The following SPINK6 variants were observed in gnomAD, a reference collection of about 807,000 sequenced individuals.
SPINK6 encodes the protein serine protease inhibitor Kazal-type 6.
Under a neutral mutation model 11.7 loss-of-function variants are expected in SPINK6, and 13 were observed. The observed-to-expected ratio is 1.11, with a 90% CI of 0.72 to 1.76. SPINK6 has a LOEUF of 1.76. Among genes scored for constraint, SPINK6 ranks in the 40% most tolerant of loss-of-function variants. SPINK6 has a pLI of 0.00. For synonymous variants in SPINK6, 21 were observed against 31.9 expected (o/e 0.66, Z 1.15); for missense variants, 98 against 93.7 (o/e 1.05, Z -0.19).
rs1489201046 is a variant in SPINK6 at position 148,209,997 on chromosome 5, C to CGTACATAT, written c.82-3910_82-3909insCATATGTA. Among the ~76,000 whole-genome samples the CGTACATAT allele has an allele frequency of 2.1e-5, 3 of 145,892 alleles. 1 individual carries two copies. Among genetic ancestry groups the CGTACATAT allele is most frequent in the South Asian group, 4.4e-4 (2 of 4,552 alleles). The stretch of plus-strand genomic sequence containing the variant: ...GTACGTATGTATGTATACATATACA[C>CGTACATAT]GTATGTATACATGTATGTACGCATG... On this transcript the variant is annotated intron_variant, in intron 2 of 3. Coordinates refer to ENST00000325630, the MANE Select transcript of SPINK6 (RefSeq NM_205841.4).
At chr5:148,214,708 T>C (rs965840158) in intron 3 of SPINK6, among the ~76,000 whole-genome samples, 197 bp from the exon 4 acceptor site, 1 of 152,184 alleles carries the variant, frequency 6.6e-6, no homozygotes, top group Non-Finnish European at 1.5e-5. Context: ...CTGAAATTTG[T>C]TTAAGATTCA....
chr5:148,206,045 G>A lies in SPINK6; in HGVS notation c.68G>A (p.Ser23Asn). 6.2e-7 allele frequency: 1 copy of A among 1,614,060 alleles called. No homozygotes were observed. The highest frequency in any genetic ancestry group is 8.5e-7 in the Non-Finnish European group (1 of 1,179,974). Residue 23 changes from serine (S) to asparagine (N), a missense_variant, in exon 2 of 4, where the codon AGT (serine) becomes AAT (asparagine). By Grantham distance (46) the Ser-to-Asn change is conservative. Coordinates refer to ENST00000325630, the MANE Select transcript of SPINK6 (RefSeq NM_205841.4). Reference sequence around the variant, plus strand: ...TGTGCTTTTCTTTCAGGTGTCTTCAGTCAGGGAGGACAGGTCAGTGCCTAT... The same window carrying A: ...TGTGCTTTTCTTTCAGGTGTCTTCAATCAGGGAGGACAGGTCAGTGCCTAT... The part of the protein sequence containing the change: ...ALFCFLTGVF[S>N]QGGQVDCGEF...
Position 148,210,146 on chromosome 5 carries a change from G to GTATTTCTGCATGCA in SPINK6, c.82-3761_82-3760insTTCTGCATGCATAT, listed in dbSNP as rs1561732469. On this transcript the variant is annotated intron_variant, in intron 2 of 3. Coordinates refer to ENST00000325630, the MANE Select transcript of SPINK6 (RefSeq NM_205841.4). Reference sequence around the variant, plus strand: ...TTTACATTTATTTCTGCATACATATGTATGTATTTCTGCATGCATATGTAT... The same window carrying GTATTTCTGCATGCA: ...TTTACATTTATTTCTGCATACATATGTATTTCTGCATGCATATGTATTTCTGCATGCATATGTAT... Among the ~76,000 whole-genome samples, 4 of 137,040 alleles carry GTATTTCTGCATGCA rather than the reference G, an allele frequency of 2.9e-5. 1 individual carries two copies. Among genetic ancestry groups the GTATTTCTGCATGCA allele is most frequent in the African/African-American group, 1.3e-4 (4 of 31,920 alleles). 89.9% of individuals were successfully genotyped at this position (137,040 alleles called of 152,430 possible).
At chr5:148,209,447 A>G (rs1755540096) in intron 2 of SPINK6, among the ~76,000 whole-genome samples, 1 of 152,192 alleles carries the variant, frequency 6.6e-6, no homozygotes. Context: ...AGTGATTACT[A>G]TTCTCACTTA....
In SPINK6 at chr5:148,214,990, AG is replaced by A; in HGVS notation, c.*41del. ...TTCTTGGTGACTTGCCAGCTTTTGC[AG>A]CCTTCTTTTCTCACTTCTGCTTATA... On this transcript the variant is annotated 3_prime_UTR_variant, in exon 4 of 4. Coordinates refer to ENST00000325630, the MANE Select transcript of SPINK6 (RefSeq NM_205841.4). The A allele has an allele frequency of 1.9e-6, 3 of 1,601,628 alleles. No homozygotes were observed. The highest frequency in any genetic ancestry group is 2.6e-6 in the Non-Finnish European group (3 of 1,169,042).
rs774165308 is a variant in SPINK6, at chr5:148,203,066, C to G, written c.-31C>G. 1.9e-6 allele frequency: 3 copies of G among 1,586,398 alleles called. No homozygotes were observed. The highest frequency in any genetic ancestry group is 1.4e-5 in the African/African-American group (1 of 73,470). ...GACAGAGAACCTCAGCTGGACAAAG[C>G]AGCCTTGATCTGAGTGAGCTAACTG... On this transcript the variant is annotated 5_prime_UTR_variant, in exon 1 of 4. Transcript: ENST00000325630.
chr5:148,203,284 G>A (rs2113304065), intron 1 of SPINK6, 130 bp downstream of exon 1: 1 of 660,626 alleles, frequency 1.5e-6, no homozygotes, highest in Middle Eastern at 4.2e-4. Context: ...TCATAATGAT[G>A]ATAATGATTG....
At chr5:148,214,057 G>A in intron 3 of SPINK6, 32 bp downstream of exon 3, 1 of 1,357,816 alleles carries the variant, frequency 7.4e-7, no homozygotes, top group Non-Finnish European at 1.0e-6. Context: ...GCTGACCCTT[G>A]CAAACACAAA....
At chr5:148,209,882 T>A (rs1755547098) in intron 2 of SPINK6, among the ~76,000 whole-genome samples, 2 of 148,788 alleles carry the variant, frequency 1.3e-5, no homozygotes, top group African/African-American at 2.5e-5. Flanking sequence ...CAAAACTAGT[T>A]TGAAAGAAAA....
At chr5:148,203,041 G>A (rs1274753100), upstream of SPINK6, 3 of 1,471,794 alleles carry the variant, frequency 2.0e-6, no homozygotes, top group Non-Finnish European at 2.8e-6. Flanking sequence ...GAATTGTCTT[G>A]ACAGAGAACC....
chr5:148,214,073 A>G (rs1755651435), intron 3 of SPINK6, 48 bp downstream of exon 3: 2 of 1,160,680 alleles, frequency 1.7e-6, no homozygotes, highest in Admixed American at 1.9e-5. Flanking sequence ...ACAAACTTCC[A>G]TAATAAGACT....
intron 2 of SPINK6, among the ~76,000 whole-genome samples, chr5:148,209,271 T>C (rs1012016420): frequency 6.6e-6 from 1 of 152,046 alleles, no homozygotes; most frequent in African/African-American, 2.4e-5. Flanking sequence ...CTGACTTACA[T>C]CTACCAACAG....
intron 2 of SPINK6, among the ~76,000 whole-genome samples, chr5:148,209,325 C>A (rs74722713): frequency 0.013 from 1,983 of 152,258 alleles, 47 homozygotes; most frequent in African/African-American, 0.045. Flanking sequence ...CTGACTCCAT[C>A]TGGAGTGAGC....
chr5:148,209,987 TACATATACAC>T (rs1424437680), intron 2 of SPINK6, among the ~76,000 whole-genome samples: 1 of 149,534 alleles, frequency 6.7e-6, no homozygotes, highest in Admixed American at 6.6e-5. Context: ...TATGTATGTA[TACATATACAC>T]GTATGTATAC....
intron 2 of SPINK6, among the ~76,000 whole-genome samples, chr5:148,210,463 T>C (rs1443428375): frequency 2.0e-5 from 3 of 151,838 alleles, no homozygotes; most frequent in Non-Finnish European, 4.4e-5. Flanking sequence ...TGCATACATA[T>C]ATATGTATGT....
In SPINK6 at chr5:148,210,771, C is replaced by T. The variant is rs534899021; in HGVS notation, c.82-3139C>T. 5.9e-5 allele frequency among the ~76,000 whole-genome samples: 9 copies of T among 151,966 alleles called. No homozygotes were observed. The South Asian group carries it at 1.2e-3, about 21-fold the overall frequency. ...TGGAGTGATCAAGAGTAGCATATGT[C>T]ATGAGGAAATCATAAAAGTTTTAAA... On this transcript the variant is annotated intron_variant, in intron 2 of 3. Coordinates refer to ENST00000325630, the MANE Select transcript of SPINK6 (RefSeq NM_205841.4).
At chr5:148,212,547 T>A (rs13174067) in intron 2 of SPINK6, among the ~76,000 whole-genome samples, 1 of 49,662 alleles carries the variant, frequency 2.0e-5, no homozygotes, top group Non-Finnish European at 4.9e-5. Context: ...TAAGTATATA[T>A]TTATATATTT....
chr5:148,211,792 T>C (rs1755602147), intron 2 of SPINK6, among the ~76,000 whole-genome samples: 1 of 152,204 alleles, frequency 6.6e-6, no homozygotes. Flanking sequence ...TTTATTGAAA[T>C]GCTTTGCTCT....
rs554659662 is a variant in SPINK6, at chr5:148,209,966, A to G, written c.81+3908A>G. Among the ~76,000 whole-genome samples, 2 of 149,962 alleles carry G rather than the reference A, an allele frequency of 1.3e-5. 1 individual carries two copies. Among genetic ancestry groups the G allele is most frequent in the Non-Finnish European group, 2.9e-5 (2 of 67,868 alleles). On this transcript the variant is annotated intron_variant, in intron 2 of 3. Transcript: ENST00000325630. ...AAAGGTTTCATATATATGTATACAT[A>G]CATACGTACGTATGTATGTATACAT...
Sources: allele counts gnomAD v4.1 joint callset (sites outside exome capture counted in the v4.1 genomes callset), GRCh38; gene constraint gnomAD v4.1.1; transcripts MANE v1.5; gene names NCBI Gene and HGNC (gene_info 2026-07-23, HGNC 2026-07-21).